The following ZMYM2 variants were observed in gnomAD, a reference collection of about 807,000 sequenced individuals.
The protein encoded by ZMYM2 is zinc finger MYM-type containing 2.
A neutral mutation model predicts 162.8 loss-of-function variants in ZMYM2; 56 were observed. The observed-to-expected ratio is 0.34, with a 90% confidence interval of 0.28 to 0.43. The LOEUF (loss-of-function observed/expected upper bound fraction) is 0.43, where lower values mean the gene tolerates loss of function less well. Among genes scored for constraint, ZMYM2 ranks in the 20% least tolerant of loss-of-function variants. The pLI, the probability that ZMYM2 is intolerant of heterozygous loss-of-function variation, is 1.00. For missense variants in ZMYM2, 1,275 were observed against 1,621.8 expected, an observed-to-expected ratio of 0.79 and a Z score of 3.67; for synonymous variants, 510 against 541.6, an observed-to-expected ratio of 0.94 and a Z score of 0.81.
chr13:19,959,004 C>G (rs1289900637), intron 1 of ZMYM2, among the ~76,000 whole-genome samples, 163 bp downstream of exon 1: 1 of 151,894 alleles, frequency 6.6e-6, no homozygotes, highest in African/African-American at 2.4e-5. Context: ...GGATTAATAC[C>G]CCGCGGCGCG....
At chr13:19,971,262 A>ATATATATATATATATATATATT (rs1329532735) in intron 2 of ZMYM2, among the ~76,000 whole-genome samples, 2 of 78,330 alleles carry the variant, frequency 2.6e-5, no homozygotes, top group Admixed American at 1.9e-4. Context: ...ATATATATAT[A>ATATATATATATATATATATATT]TTTTTTTTTT....
At chr13:19,972,943 G>GTTTTTTTT (rs67438402) in intron 2 of ZMYM2, among the ~76,000 whole-genome samples, 1 of 144,578 alleles carries the variant, frequency 6.9e-6, no homozygotes, top group Non-Finnish European at 1.5e-5. Flanking sequence ...ATGTTTTTTT[G>GTTTTTTTT]TTTTTTTTTT....
intron 15 of ZMYM2, among the ~76,000 whole-genome samples, chr13:20,059,089 T>G (rs553961741): frequency 6.6e-6 from 1 of 152,300 alleles, no homozygotes; most frequent in Non-Finnish European, 1.5e-5. Context: ...ATATGTATTT[T>G]TTATGAAATT....
intron 7 of ZMYM2, among the ~76,000 whole-genome samples, chr13:20,020,379 C>T (rs1470451815): frequency 6.6e-6 from 1 of 151,890 alleles, no homozygotes; most frequent in Non-Finnish European, 1.5e-5. Context: ...GGATTACAGT[C>T]ATGCACCACC....
chr13:19,999,552 A>G (rs770236260), intron 3 of ZMYM2, among the ~76,000 whole-genome samples: 3 of 152,174 alleles, frequency 2.0e-5, no homozygotes, highest in South Asian at 2.1e-4. Context: ...AGACACAGCA[A>G]TATTTAAATT....
rs749474613 is a variant in ZMYM2 at position 20,086,051 on chromosome 13, A to G, written c.*37A>G. 1.3e-6 allele frequency: 2 copies of G among 1,587,794 alleles called. No homozygotes were observed. The highest frequency in any genetic ancestry group is 3.4e-5 in the Admixed American group (2 of 58,442). ...GCAGAAGCAATCGGGATAAAACAGC[A>G]TTAGATAGTCATGCTGCTAGATCTT... On this transcript the variant is annotated 3_prime_UTR_variant, in exon 25 of 25. Coordinates refer to ENST00000610343, the MANE Select transcript of ZMYM2 (RefSeq NM_197968.4).
At chr13:19,884,680 C>G in the ZMYM2 span, among the ~76,000 whole-genome samples, 1 of 152,114 alleles carries the variant, frequency 6.6e-6, no homozygotes. Flanking sequence ...AAAAGTAGCA[C>G]GTCCGGACTT....
upstream of ZMYM2, among the ~76,000 whole-genome samples, chr13:19,956,672 A>T (rs919110383): frequency 6.6e-6 from 1 of 152,234 alleles, no homozygotes; most frequent in Non-Finnish European, 1.5e-5. Context: ...CAGCAATAAC[A>T]CTAGGGAATT....
chr13:19,876,639 G>C, the ZMYM2 span, among the ~76,000 whole-genome samples: 1 of 152,066 alleles, frequency 6.6e-6, no homozygotes, highest in African/African-American at 2.4e-5. Flanking sequence ...TTTTCAAAAA[G>C]TATGATAAAA....
chr13:20,004,588 T>TG (rs1322718890), intron 4 of ZMYM2, among the ~76,000 whole-genome samples: 4 of 152,190 alleles, frequency 2.6e-5, no homozygotes, highest in African/African-American at 9.7e-5. Context: ...TATTTACTGT[T>TG]GGAGAGCCAT....
chr13:20,037,895 G>A (rs1015309008), intron 12 of ZMYM2, among the ~76,000 whole-genome samples: 1 of 152,134 alleles, frequency 6.6e-6, no homozygotes, highest in African/African-American at 2.4e-5. Flanking sequence ...TTATCACCCA[G>A]ATATTAAGCC....
chr13:20,063,556 G>C (rs1191803260), intron 18 of ZMYM2, among the ~76,000 whole-genome samples: 2 of 150,346 alleles, frequency 1.3e-5, no homozygotes. Context: ...CGAGGTGGGT[G>C]GATCACCTGA....
chr13:19,997,539 G>A (rs1312841314), intron 3 of ZMYM2, among the ~76,000 whole-genome samples: 1 of 152,106 alleles, frequency 6.6e-6, no homozygotes, highest in African/African-American at 2.4e-5. Flanking sequence ...GTATGTGTGT[G>A]TTTGTATGAG....
the ZMYM2 span, among the ~76,000 whole-genome samples, chr13:19,866,912 T>G: frequency 6.6e-6 from 1 of 152,096 alleles, no homozygotes; most frequent in Non-Finnish European, 1.5e-5. Flanking sequence ...AAAAAAAAAG[T>G]TGTTTATAAT....
chr13:19,885,950 T>TATGTGTATAC, the ZMYM2 span, among the ~76,000 whole-genome samples: 4 of 79,652 alleles, frequency 5.0e-5, 1 homozygote, highest in Admixed American at 1.4e-4. Context: ...TATATGTATA[T>TATGTGTATAC]ACACATATAT....
chr13:19,945,142 A>G, the ZMYM2 span, among the ~76,000 whole-genome samples: 2 of 152,216 alleles, frequency 1.3e-5, no homozygotes, highest in African/African-American at 4.8e-5. Context: ...TTACAAATCA[A>G]TCGTTATTTA....
intron 12 of ZMYM2, among the ~76,000 whole-genome samples, chr13:20,045,252 C>T (rs1384333603): frequency 6.6e-6 from 1 of 151,914 alleles, no homozygotes; most frequent in Non-Finnish European, 1.5e-5. Context: ...TGCAATTCAC[C>T]ATGTTAACTA....
the ZMYM2 span, among the ~76,000 whole-genome samples, chr13:19,903,501 A>AAAAAAAC: frequency 6.6e-6 from 1 of 150,744 alleles, no homozygotes; most frequent in Non-Finnish European, 1.5e-5. Flanking sequence ...AAAAAAAAAA[A>AAAAAAAC]AAAGAAAATT....
At chr13:19,953,439 C>T in the ZMYM2 span, among the ~76,000 whole-genome samples, 68 of 152,246 alleles carry the variant, frequency 4.5e-4, no homozygotes, top group African/African-American at 1.4e-3. Flanking sequence ...AATCCGAGCA[C>T]TTTGGGAGGC....
Sources: gnomAD v4.1 joint callset for allele counts (sites outside exome capture counted in the v4.1 genomes callset) on GRCh38, gnomAD v4.1.1 for gene constraint, MANE v1.5 for transcripts, NCBI Gene and HGNC (gene_info 2026-07-23, HGNC 2026-07-21) for gene names.